NELL1: variants seen among roughly 807,000 people sequenced by gnomAD.
NELL1 encodes the protein neural EGFL like 1.
Under a neutral mutation model 107.4 loss-of-function variants are expected in NELL1, and 76 were observed. That is an observed-to-expected ratio of 0.71 (90% CI 0.59 to 0.86). The LOEUF (loss-of-function observed/expected upper bound fraction) is 0.86. Ranked by LOEUF, NELL1 falls within the 40% of genes least tolerant of loss-of-function variation. The pLI is 0.00. For synonymous variants in NELL1, 353 were observed against 341.2 expected (o/e 1.03, Z -0.38); for missense variants, 1,024 against 1,005.5 (o/e 1.02, Z -0.25).
chr11:21,307,035 G>T (rs1477343941), intron 14 of NELL1, among the ~76,000 whole-genome samples: 1 of 151,900 alleles, frequency 6.6e-6, no homozygotes, highest in Admixed American at 6.6e-5. Context: ...CTTTTTCCAT[G>T]ATTTCCTATT....
At chr11:20,746,406 A>G (rs935656111) in intron 2 of NELL1, among the ~76,000 whole-genome samples, 3 of 152,208 alleles carry the variant, frequency 2.0e-5, no homozygotes, top group Non-Finnish European at 4.4e-5. Context: ...ATCTTAGGCA[A>G]GTAACTTAAC....
At chr11:21,143,842 G>C (rs1855918631) in intron 13 of NELL1, among the ~76,000 whole-genome samples, 1 of 152,100 alleles carries the variant, frequency 6.6e-6, no homozygotes, top group African/African-American at 2.4e-5. Context: ...TTTCAACTTA[G>C]AGCAGAAGAT....
intron 14 of NELL1, among the ~76,000 whole-genome samples, chr11:21,261,133 T>G (rs1020509528): frequency 1.3e-5 from 2 of 151,798 alleles, no homozygotes; most frequent in African/African-American, 4.8e-5. Flanking sequence ...CTCGACATTT[T>G]TAAATCATAA....
intron 15 of NELL1, among the ~76,000 whole-genome samples, chr11:21,412,513 T>C (rs1852403231): frequency 6.6e-6 from 1 of 152,084 alleles, no homozygotes; most frequent in South Asian, 2.1e-4. Context: ...AGTTAATAAA[T>C]GACAGAACCA....
At chr11:21,072,055 C>T (rs1445959964) in intron 12 of NELL1, among the ~76,000 whole-genome samples, 1 of 151,934 alleles carries the variant, frequency 6.6e-6, no homozygotes, top group Non-Finnish European at 1.5e-5. Flanking sequence ...GTTGCCTTGT[C>T]AACAATATAT....
intron 5 of NELL1, among the ~76,000 whole-genome samples, chr11:20,906,106 T>C (rs990377229): frequency 6.6e-6 from 1 of 152,096 alleles, no homozygotes; most frequent in Admixed American, 6.6e-5. Flanking sequence ...TCAGAAACCA[T>C]GGAGACCAGA....
At chr11:21,063,128 G>T (rs2134365739) in intron 12 of NELL1, among the ~76,000 whole-genome samples, 1 of 152,246 alleles carries the variant, frequency 6.6e-6, no homozygotes, top group South Asian at 2.1e-4. Context: ...GATTACAAAT[G>T]TGAGCCACTG....
At chr11:21,208,953 A>T (rs1857443845) in intron 13 of NELL1, among the ~76,000 whole-genome samples, 2 of 152,176 alleles carry the variant, frequency 1.3e-5, no homozygotes, top group Admixed American at 1.3e-4. Context: ...GCAGAGAATC[A>T]GCAGGGCTTT....
intron 13 of NELL1, among the ~76,000 whole-genome samples, chr11:21,137,403 G>A (rs1855767637): frequency 6.6e-6 from 1 of 152,194 alleles, no homozygotes; most frequent in South Asian, 2.1e-4. Flanking sequence ...ACAGGCTCAG[G>A]AGGGTGAAGG....
Position 21,229,422 on chromosome 11 carries a change from C to T in NELL1, c.1517C>T (p.Pro506Leu), listed in dbSNP as rs547191182. The change falls in exon 14 of 20, where the codon CCG becomes CTG. Residue 506 changes from proline to leucine, a missense_variant. Coordinates refer to ENST00000357134, the MANE Select transcript of NELL1 (RefSeq NM_006157.5). ...CAGGGACACAGCTGCACCTGCAAAC[C>T]GGGCTACGTGGGGAACGGGACCATC... Reference protein sequence around the residue: ...TVQGHSCTCKPGYVGNGTICR... With the variant: ...TVQGHSCTCKLGYVGNGTICR... 2.4e-5 allele frequency: 39 copies of T among 1,613,934 alleles called. No homozygotes were observed. Among genetic ancestry groups the T allele is most frequent in the Middle Eastern group, 1.6e-4 (1 of 6,062 alleles).
intron 15 of NELL1, among the ~76,000 whole-genome samples, chr11:21,473,741 A>G (rs868231509): frequency 6.6e-6 from 1 of 152,080 alleles, no homozygotes; most frequent in Non-Finnish European, 1.5e-5. Context: ...GATGAATAAT[A>G]TAGGAGGAAA....
At chr11:21,131,089 C>T (rs1407577258) in intron 13 of NELL1, among the ~76,000 whole-genome samples, 2 of 151,986 alleles carry the variant, frequency 1.3e-5, no homozygotes, top group Admixed American at 6.6e-5. Context: ...GGGGAGATGT[C>T]AGGATGCCTA....
chr11:21,453,178 C>T (rs1853630873), intron 15 of NELL1, among the ~76,000 whole-genome samples: 1 of 152,060 alleles, frequency 6.6e-6, no homozygotes. Flanking sequence ...TTATTTTCTA[C>T]TTGCTCTAAC....
chr11:20,829,923 C>A (rs1409727795), intron 3 of NELL1, among the ~76,000 whole-genome samples: 1 of 152,008 alleles, frequency 6.6e-6, no homozygotes, highest in Non-Finnish European at 1.5e-5. Flanking sequence ...GTGGAGCCTG[C>A]CAGGATTCTT....
intron 13 of NELL1, among the ~76,000 whole-genome samples, chr11:21,215,132 G>A (rs1283707173): frequency 6.6e-6 from 1 of 152,106 alleles, no homozygotes; most frequent in Non-Finnish European, 1.5e-5. Flanking sequence ...TGAATCATGA[G>A]GGTGGTTATC....
At chr11:21,471,825 T>C (rs1297575631) in intron 15 of NELL1, among the ~76,000 whole-genome samples, 3 of 152,110 alleles carry the variant, frequency 2.0e-5, no homozygotes, top group Admixed American at 2.0e-4. Flanking sequence ...GACATGCTTA[T>C]TATGCATACA....
At chr11:21,278,095 A>G (rs1401734635) in intron 14 of NELL1, among the ~76,000 whole-genome samples, 11 of 152,144 alleles carry the variant, frequency 7.2e-5, no homozygotes, top group Admixed American at 7.2e-4. Context: ...AACACCTATC[A>G]TTGATAAAAA....
chr11:21,333,965 C>A (rs1342055270), intron 14 of NELL1, among the ~76,000 whole-genome samples: 2 of 151,974 alleles, frequency 1.3e-5, no homozygotes, highest in Non-Finnish European at 2.9e-5. Flanking sequence ...CTTTAATGTC[C>A]ATTTTTGGGT....
chr11:21,466,342 T>C (rs1278395525), intron 15 of NELL1, among the ~76,000 whole-genome samples: 1 of 152,048 alleles, frequency 6.6e-6, no homozygotes, highest in Non-Finnish European at 1.5e-5. Context: ...CGAGTGGGCA[T>C]CAGTCAGGAC....
Sources: allele counts gnomAD v4.1 joint callset (sites outside exome capture counted in the v4.1 genomes callset), GRCh38; gene constraint gnomAD v4.1.1; transcripts MANE v1.5; gene names NCBI Gene and HGNC (gene_info 2026-07-23, HGNC 2026-07-21).